ACTR3C: variants seen among roughly 807,000 people sequenced by gnomAD.
ACTR3C encodes actin-related protein 3C.
A neutral mutation model predicts 26.3 loss-of-function variants in ACTR3C; 18 were observed. The ratio of observed to expected loss-of-function variants is 0.68; its 90% CI spans 0.47 to 1.01. The LOEUF is 1.01. Ranked by LOEUF, ACTR3C falls within the 50% of genes least tolerant of loss-of-function variation. The pLI is 0.00. For missense variants in ACTR3C, 184 were observed against 250.7 expected, an observed-to-expected ratio of 0.73 and a Z score of 1.80; for synonymous variants, 55 against 94.5, an observed-to-expected ratio of 0.58 and a Z score of 2.42.
chr7:150,034,709 C>T, the ACTR3C span, among the ~76,000 whole-genome samples: 3 of 151,246 alleles, frequency 2.0e-5, no homozygotes, highest in Admixed American at 6.6e-5. Context: ...TACTTGGACA[C>T]CTAATACCCA....
the ACTR3C span, among the ~76,000 whole-genome samples, chr7:150,119,886 C>A: frequency 3.3e-5 from 5 of 152,230 alleles, no homozygotes; most frequent in Non-Finnish European, 5.9e-5. Context: ...CGAACAGTCT[C>A]TCAGACCATG....
At chr7:150,279,631 C>T (rs1466514821) in intron 6 of ACTR3C, among the ~76,000 whole-genome samples, 1 of 152,056 alleles carries the variant, frequency 6.6e-6, no homozygotes, top group East Asian at 1.9e-4. Flanking sequence ...GCACCGCAGG[C>T]ATCTGCCCAC....
the ACTR3C span, among the ~76,000 whole-genome samples, chr7:150,100,772 T>A: frequency 6.6e-6 from 1 of 151,326 alleles, no homozygotes; most frequent in African/African-American, 2.4e-5. Context: ...GGTGCGATCT[T>A]GGCTCACTGT....
chr7:149,918,948 A>T, the ACTR3C span, among the ~76,000 whole-genome samples: 1 of 152,166 alleles, frequency 6.6e-6, no homozygotes, highest in East Asian at 1.9e-4. Flanking sequence ...GCAAGTGCGG[A>T]CAGCCCAAAA....
chr7:150,293,357 C>A lies in ACTR3C; in HGVS notation c.108G>T (p.Gly36=). ...CTCCATCTCCGCTGTCAATGACTATCCCCGTTAATGTACGTTCACCCACTT... is the reference window on the plus strand; with the variant it reads ...CTCCATCTCCGCTGTCAATGACTATACCCGTTAATGTACGTTCACCCACTT... ...SRQVGERTLT[G]IVIDSGDGVT... is the part of the protein sequence containing the mutation. The change falls in exon 3 of 8, where the codon GGG becomes GGT. Residue 36 remains glycine (G), a synonymous_variant. Transcript: ENST00000683684. 6.2e-7 allele frequency: 1 copy of A among 1,607,290 alleles called. No individual in the cohort carries two copies. Among genetic ancestry groups the A allele is most frequent in the Non-Finnish European group, 8.5e-7 (1 of 1,176,380 alleles).
At chr7:150,144,693 G>A in the ACTR3C span, among the ~76,000 whole-genome samples, 4 of 152,082 alleles carry the variant, frequency 2.6e-5, no homozygotes, top group African/African-American at 9.7e-5. The surrounding 1 kb of genome is among the most constrained non-coding windows in gnomAD (Gnocchi z 4.6). Flanking sequence ...CATGAAAATG[G>A]AGAATCGAAG....
At chr7:150,086,416 A>C in the ACTR3C span, among the ~76,000 whole-genome samples, 1 of 152,238 alleles carries the variant, frequency 6.6e-6, no homozygotes, top group East Asian at 1.9e-4. Context: ...TGGAGAGAGA[A>C]GTATTCTTGC....
the ACTR3C span, among the ~76,000 whole-genome samples, chr7:149,962,392 C>T: frequency 8.5e-5 from 13 of 152,156 alleles, no homozygotes; most frequent in Non-Finnish European, 1.6e-4. Flanking sequence ...ATCCACACAC[C>T]ATTTGGATCT....
At chr7:149,946,558 G>A in the ACTR3C span, among the ~76,000 whole-genome samples, 21 of 152,288 alleles carry the variant, frequency 1.4e-4, no homozygotes, top group African/African-American at 4.6e-4. Flanking sequence ...CCCCATCCTT[G>A]GCTGTTTCCA....
chr7:150,091,997 A>AAAAAAAAAAAAC, the ACTR3C span, among the ~76,000 whole-genome samples: 1 of 114,920 alleles, frequency 8.7e-6, no homozygotes, highest in Non-Finnish European at 1.8e-5. Flanking sequence ...CAAAAAAAAA[A>AAAAAAAAAAAAC]AAAAAAAAAA....
the ACTR3C span, among the ~76,000 whole-genome samples, chr7:150,122,884 TA>T: frequency 6.6e-6 from 1 of 151,098 alleles, no homozygotes; most frequent in East Asian, 1.9e-4. Context: ...GTGGCACATA[TA>T]CACCATGGAA....
chr7:150,301,168 C>T lies in ACTR3C; in HGVS notation c.-51-5821G>A, dbSNP rs1472242599. ...AGAAATAACATATTAACTGAAGAAA[C>T]CTATGTTTGTCATCTTGAATAGGAA... On this transcript the variant is annotated intron_variant, in intron 1 of 7. Coordinates refer to ENST00000683684, the MANE Select transcript of ACTR3C (RefSeq NM_001164458.2). Among the ~76,000 whole-genome samples, 6 of 152,232 alleles carry T rather than the reference C, an allele frequency of 3.9e-5. No homozygotes were observed. In the East Asian group the frequency reaches 9.6e-4, roughly 24 times the overall value.
the ACTR3C span, among the ~76,000 whole-genome samples, chr7:150,093,502 T>C: frequency 1.3e-5 from 2 of 151,058 alleles, no homozygotes; most frequent in African/African-American, 2.5e-5. Flanking sequence ...ATGTTAATGG[T>C]GTTTCCTCTG....
intron 1 of ACTR3C, 93 bp from the exon 2 acceptor site, chr7:150,295,440 G>A (rs1395730753): frequency 1.3e-5 from 17 of 1,302,752 alleles, no homozygotes; most frequent in Middle Eastern, 1.8e-4. Context: ...GTATGTTAGC[G>A]AGGACATTAT....
the ACTR3C span, among the ~76,000 whole-genome samples, chr7:150,232,192 A>G: frequency 1.3e-5 from 2 of 152,166 alleles, no homozygotes; most frequent in Admixed American, 6.5e-5. Context: ...GTTCTATGCA[A>G]TTTTAAAAAT....
the ACTR3C span, among the ~76,000 whole-genome samples, chr7:150,126,782 C>G: frequency 6.6e-6 from 1 of 152,130 alleles, no homozygotes; most frequent in African/African-American, 2.4e-5. Context: ...ATAGGTAAGT[C>G]CCCCTTCTGA....
chr7:150,170,867 C>T, the ACTR3C span, among the ~76,000 whole-genome samples: 1 of 144,348 alleles, frequency 6.9e-6, no homozygotes, highest in African/African-American at 2.8e-5. Context: ...AGAGCATATA[C>T]TATTACCAGG....
the ACTR3C span, among the ~76,000 whole-genome samples, chr7:149,924,065 A>T: frequency 1.3e-5 from 2 of 151,156 alleles, no homozygotes; most frequent in African/African-American, 2.4e-5. Context: ...GACACATTAA[A>T]CTCAGAACTT....
chr7:150,172,633 A>AC, the ACTR3C span, among the ~76,000 whole-genome samples: 1 of 149,952 alleles, frequency 6.7e-6, no homozygotes, highest in East Asian at 1.9e-4. Flanking sequence ...ACAGTCCCCC[A>AC]AAGTCTTAAT....
Sources: gnomAD v4.1 joint callset for allele counts (sites outside exome capture counted in the v4.1 genomes callset) on GRCh38, gnomAD v4.1.1 for gene constraint, Gnocchi (gnomAD v3.1) non-coding constraint, MANE v1.5 for transcripts, NCBI Gene and HGNC (gene_info 2026-07-23, HGNC 2026-07-21) for gene names.